The following SORCS3 variants were observed in gnomAD, a reference collection of about 807,000 sequenced individuals.
SORCS3 encodes the protein sortilin related VPS10 domain containing receptor 3.
In SORCS3, 57 loss-of-function variants were observed where a neutral mutation model predicts 146.3. The observed-to-expected ratio is 0.39, with a 90% CI of 0.31 to 0.49. SORCS3 has a LOEUF of 0.49. Among genes scored for constraint, SORCS3 ranks in the 20% least tolerant of loss-of-function variants. The pLI is 0.92. For synonymous variants in SORCS3, 653 were observed against 618.5 expected (o/e 1.06, Z -0.83); for missense variants, 1,341 against 1,575.5 (o/e 0.85, Z 2.52).
chr10:105,186,175 A>G (rs546891529), intron 14 of SORCS3, among the ~76,000 whole-genome samples: 1 of 152,310 alleles, frequency 6.6e-6, no homozygotes, highest in East Asian at 1.9e-4. Context: ...GTGAATTGAC[A>G]TTATCACAAA....
intron 4 of SORCS3, among the ~76,000 whole-genome samples, chr10:105,030,553 G>A (rs1179066590): frequency 6.6e-6 from 1 of 151,628 alleles, no homozygotes; most frequent in Non-Finnish European, 1.5e-5. Context: ...CTTAGGGGGT[G>A]AGGAAAGAAA....
At chr10:105,187,681 A>T (rs2056487768) in intron 14 of SORCS3, among the ~76,000 whole-genome samples, 1 of 152,350 alleles carries the variant, frequency 6.6e-6, no homozygotes, top group South Asian at 2.1e-4. Flanking sequence ...GAACTCTTAT[A>T]GGAACACTTA....
intron 9 of SORCS3, among the ~76,000 whole-genome samples, chr10:105,152,978 A>G (rs1030740816): frequency 2.6e-5 from 4 of 152,100 alleles, no homozygotes; most frequent in African/African-American, 9.7e-5. Flanking sequence ...ATTTATGTAT[A>G]GTAAAATTTA....
intron 20 of SORCS3, among the ~76,000 whole-genome samples, chr10:105,234,341 AATG>A (rs1480465101): frequency 6.6e-6 from 1 of 151,852 alleles, no homozygotes; most frequent in Non-Finnish European, 1.5e-5. Flanking sequence ...GTAGTTTGAA[AATG>A]ATACATCTAG....
At chr10:105,017,495 A>G (rs1792264937) in intron 4 of SORCS3, among the ~76,000 whole-genome samples, 1 of 152,174 alleles carries the variant, frequency 6.6e-6, no homozygotes, top group African/African-American at 2.4e-5. Context: ...TAAAACATGG[A>G]CTTTTAAAGA....
At chr10:104,750,962 G>GGAATAAA (rs1280760985) in intron 1 of SORCS3, among the ~76,000 whole-genome samples, 2 of 152,122 alleles carry the variant, frequency 1.3e-5, no homozygotes, top group East Asian at 3.8e-4. Context: ...GGAATATCGT[G>GGAATAAA]TCTATAATAT....
chr10:104,904,586 G>T (rs1178696772), intron 2 of SORCS3, among the ~76,000 whole-genome samples: 1 of 151,960 alleles, frequency 6.6e-6, no homozygotes, highest in Non-Finnish European at 1.5e-5. Context: ...CTGGAATGTT[G>T]TAAGGCTTTA....
chr10:104,845,883 G>A (rs1255707851), intron 2 of SORCS3, among the ~76,000 whole-genome samples: 2 of 152,198 alleles, frequency 1.3e-5, no homozygotes, highest in African/African-American at 4.8e-5. Context: ...GTCTGCGGAA[G>A]AGAATGGAGC....
intron 3 of SORCS3, among the ~76,000 whole-genome samples, chr10:104,961,754 C>T (rs541180824): frequency 3.3e-5 from 5 of 152,268 alleles, no homozygotes; most frequent in Admixed American, 3.3e-4. Context: ...TGAGATGAAG[C>T]TAGCTTCTCT....
At chr10:105,011,295 T>C (rs1480770262) in intron 4 of SORCS3, among the ~76,000 whole-genome samples, 1 of 152,178 alleles carries the variant, frequency 6.6e-6, no homozygotes, top group Non-Finnish European at 1.5e-5. Flanking sequence ...ATATGGAACA[T>C]GTCTATCACC....
intron 4 of SORCS3, among the ~76,000 whole-genome samples, chr10:104,992,944 G>T (rs12780294): frequency 6.6e-6 from 1 of 151,832 alleles, no homozygotes; most frequent in East Asian, 1.9e-4. Context: ...GACATTTAAA[G>T]ACCTGAATGA....
chr10:104,984,521 T>A (rs1195080096), intron 4 of SORCS3, among the ~76,000 whole-genome samples: 1 of 152,122 alleles, frequency 6.6e-6, no homozygotes, highest in African/African-American at 2.4e-5. Flanking sequence ...GCTCTAGGCA[T>A]AACAATGCTT....
chr10:105,137,222 G>A (rs550583117), intron 7 of SORCS3, among the ~76,000 whole-genome samples: 87 of 152,142 alleles, frequency 5.7e-4, no homozygotes, highest in African/African-American at 1.7e-3. Context: ...TTGCCTTCTC[G>A]GATGCTGGTC....
At chr10:105,209,804 G>T (rs1032255407) in intron 16 of SORCS3, among the ~76,000 whole-genome samples, 7 of 152,118 alleles carry the variant, frequency 4.6e-5, no homozygotes, top group African/African-American at 1.7e-4. Context: ...TGAGAAGATA[G>T]GTAAGAAGGT....
intron 10 of SORCS3, among the ~76,000 whole-genome samples, chr10:105,157,960 A>G (rs1374562577): frequency 1.3e-5 from 2 of 152,232 alleles, no homozygotes; most frequent in Admixed American, 6.5e-5. Context: ...TCCTCTTGCC[A>G]CTTATTCAGA....
intron 7 of SORCS3, among the ~76,000 whole-genome samples, chr10:105,107,902 C>T (rs1026438916): frequency 6.6e-6 from 1 of 152,126 alleles, no homozygotes; most frequent in Admixed American, 6.6e-5. Context: ...TTGAGCTGTG[C>T]ATCATTTGAC....
At chr10:105,064,437 C>T (rs572976985) in intron 5 of SORCS3, among the ~76,000 whole-genome samples, 8 of 152,070 alleles carry the variant, frequency 5.3e-5, no homozygotes, top group African/African-American at 1.7e-4. Flanking sequence ...GGAATTGGCT[C>T]GTGCAATTAT....
intron 2 of SORCS3, among the ~76,000 whole-genome samples, chr10:104,855,497 T>C (rs1400048012): frequency 6.6e-6 from 1 of 152,236 alleles, no homozygotes; most frequent in Non-Finnish European, 1.5e-5. Flanking sequence ...TTCATCAGCA[T>C]TTTATAGTTT....
intron 1 of SORCS3, among the ~76,000 whole-genome samples, chr10:104,816,897 C>G (rs1283204409): frequency 6.6e-6 from 1 of 152,216 alleles, no homozygotes; most frequent in African/African-American, 2.4e-5. Context: ...TCTCTCCTCT[C>G]TCTTTAAGAC....
Sources: allele counts gnomAD v4.1 joint callset (sites outside exome capture counted in the v4.1 genomes callset), GRCh38; gene constraint gnomAD v4.1.1; transcripts MANE v1.5; gene names NCBI Gene and HGNC (gene_info 2026-07-23, HGNC 2026-07-21).